SH2D1A: variants seen among roughly 807,000 people sequenced by gnomAD.
SH2D1A encodes SH2 domain containing 1A.
Under a neutral mutation model 10.1 loss-of-function variants are expected in SH2D1A, and 6 were observed. The observed-to-expected ratio is 0.60, with a 90% CI of 0.33 to 1.18. The LOEUF is 1.18. Among genes scored for constraint, SH2D1A ranks in the 50% most tolerant of loss-of-function variants. The probability of loss-of-function intolerance (pLI) is 0.04; values close to 1 mark genes in which losing one functional copy is unlikely to be tolerated. For synonymous variants in SH2D1A, 42 were observed against 36.9 expected, an observed-to-expected ratio of 1.14 and a Z score of -0.51; for missense variants, 51 against 97.6, an observed-to-expected ratio of 0.52 and a Z score of 2.01.
intron 1 of SH2D1A, among the ~76,000 whole-genome samples, chrX:124,347,960 G>A (rs913598816): frequency 9.0e-6 from 1 of 111,129 alleles, no homozygotes; most frequent in African/African-American, 3.3e-5. Context: ...TAAATGCTTG[G>A]TAGTAAGTTC....
chrX:124,372,711 G>A lies in SH2D1A; in HGVS notation c.*1320G>A. On this transcript the variant is annotated 3_prime_UTR_variant, in exon 4 of 4. Transcript: ENST00000371139. ...TGTAAAATAATAACTGGGAATTCTG[G>A]ATTGTGTATGGGTGTTGGTGAACTT... 1 of 169,254 alleles carries A rather than the reference G, an allele frequency of 5.9e-6. No individual in the cohort carries two copies. Among genetic ancestry groups the A allele is most frequent in the Non-Finnish European group, 1.1e-5 (1 of 87,627 alleles). The allele number at this position is 169,254 out of a possible 1,213,427, so 13.9% of individuals were successfully genotyped here.
rs1363045011 is a variant in SH2D1A, at chrX:124,371,082, AG to A, written c.347-268del. 1.2e-3 allele frequency among the ~76,000 whole-genome samples: 135 copies of A among 112,124 alleles called. 1 individual carries two copies. The East Asian group carries it at 0.036, about 30-fold the overall frequency. ...TAGGCTCAGGCATAAACTGACAATT[AG>A]ACTCAAGTGGTGAATTAAATTAATG... On this transcript the variant is annotated intron_variant, in intron 3 of 3. Transcript: ENST00000371139.
At chrX:124,355,839 A>G (rs2060024861) in intron 1 of SH2D1A, among the ~76,000 whole-genome samples, 1 of 112,036 alleles carries the variant, frequency 8.9e-6, no homozygotes, top group Non-Finnish European at 1.9e-5. Context: ...AGTTGTAATC[A>G]GAGTGGCATC....
rs2060071302 is a variant in SH2D1A at position 124,372,253 on chromosome X, T to TA, written c.*862_*863insA. 1.2e-5 allele frequency: 2 copies of TA among 166,824 alleles called. No homozygotes were observed. The highest frequency in any genetic ancestry group is 8.7e-5 in the East Asian group (1 of 11,442). The allele number at this position is 166,824 out of a possible 1,213,427, so 13.7% of individuals were successfully genotyped here. On this transcript the variant is annotated 3_prime_UTR_variant, in exon 4 of 4. Coordinates refer to ENST00000371139, the MANE Select transcript of SH2D1A (RefSeq NM_002351.5). ...GGAAAGTTTATGGTTGTATTATTTT[T>TA]TAAAAAAATTCCAAGTGATTGAAAC... is the stretch of plus-strand genomic sequence containing the variant.
intron 2 of SH2D1A, chrX:124,367,452 G>A (rs947128958): frequency 8.9e-6 from 1 of 111,791 alleles, no homozygotes; most frequent in African/African-American, 3.2e-5. Flanking sequence ...TGACAGTATG[G>A]GAGATTTGCA....
At chrX:124,354,878 A>G (rs1287723754) in intron 1 of SH2D1A, among the ~76,000 whole-genome samples, 1 of 112,111 alleles carries the variant, frequency 8.9e-6, no homozygotes, top group Admixed American at 9.5e-5. Flanking sequence ...TTACCATCAC[A>G]CTTGAAGTTG....
At chrX:124,362,373 C>T (rs992149146) in intron 1 of SH2D1A, among the ~76,000 whole-genome samples, 2 of 112,210 alleles carry the variant, frequency 1.8e-5, no homozygotes, top group Non-Finnish European at 3.8e-5. Context: ...AATATTGAAT[C>T]GAAGAGGATT....
intron 1 of SH2D1A, among the ~76,000 whole-genome samples, chrX:124,351,097 A>ATATATATTATTATAAATATATATT (rs2060013820): frequency 2.1e-5 from 2 of 93,749 alleles, no homozygotes; most frequent in African/African-American, 7.7e-5. Flanking sequence ...ATATATATTT[A>ATATATATTATTATAAATATATATT]TATATATTTA....
Position 124,370,333 on chromosome X carries a change from CTTAAT to C in SH2D1A, c.346+16_346+20del. 5 of 1,192,503 alleles carry C rather than the reference CTTAAT, an allele frequency of 4.2e-6. No individual in the cohort carries two copies. Among genetic ancestry groups the C allele is most frequent in the Non-Finnish European group, 5.7e-6 (5 of 878,114 alleles). Reference sequence around the variant, plus strand: ...CAAGGTACTACAGGTATGATTTCCTCTTAATTTTTGACAGGGTTTGGAAGCTCAGA... The same window carrying C: ...CAAGGTACTACAGGTATGATTTCCTCTTTTGACAGGGTTTGGAAGCTCAGA... On this transcript the variant is annotated intron_variant, in intron 3 of 3. Coordinates refer to ENST00000371139, the MANE Select transcript of SH2D1A (RefSeq NM_002351.5).
intron 1 of SH2D1A, among the ~76,000 whole-genome samples, chrX:124,364,068 T>TA (rs1005397460): frequency 1.8e-5 from 2 of 109,777 alleles, no homozygotes; most frequent in Non-Finnish European, 3.8e-5. Context: ...CCTACTTATA[T>TA]AAAAAAAAGT....
intron 1 of SH2D1A, among the ~76,000 whole-genome samples, chrX:124,361,025 A>G (rs943582704): frequency 9.0e-6 from 1 of 111,463 alleles, no homozygotes; most frequent in African/African-American, 3.3e-5. Context: ...CATAAACCTA[A>G]TAGGATTTTT....
chrX:124,364,061 A>ACTT (rs2060047666), intron 1 of SH2D1A, among the ~76,000 whole-genome samples: 1 of 110,343 alleles, frequency 9.1e-6, no homozygotes, highest in Non-Finnish European at 1.9e-5. Context: ...ATCTACTCCT[A>ACTT]CTTATATAAA....
chrX:124,350,280 TATTATATAA>T (rs1814523356), intron 1 of SH2D1A, among the ~76,000 whole-genome samples: 1 of 24,073 alleles, frequency 4.2e-5, no homozygotes, highest in Non-Finnish European at 5.9e-5. Context: ...TTATATATAA[TATTATATAA>T]TATATAATAT....
chrX:124,367,035 T>C (rs1179346913), intron 2 of SH2D1A, among the ~76,000 whole-genome samples: 2 of 111,066 alleles, frequency 1.8e-5, no homozygotes, highest in Admixed American at 9.6e-5. Context: ...ACAACTTTGT[T>C]TTTCAACTTG....
At chrX:124,370,084 G>A in intron 2 of SH2D1A, 92 bp from the exon 3 acceptor site, 1 of 652,081 alleles carries the variant, frequency 1.5e-6, no homozygotes. Flanking sequence ...TTACACAAAT[G>A]TTACTTCTCT....
intron 1 of SH2D1A, 96 bp downstream of exon 1, chrX:124,346,875 C>T (rs1320059949): frequency 1.1e-5 from 12 of 1,044,345 alleles, no homozygotes; most frequent in South Asian, 7.6e-5. Flanking sequence ...GCAGGGGCGC[C>T]GGCGTTAGCA....
intron 1 of SH2D1A, chrX:124,364,399 GTGTT>G (rs1430275037): frequency 3.5e-6 from 1 of 283,576 alleles, no homozygotes; most frequent in Non-Finnish European, 6.7e-6. Context: ...GCTGTACAAT[GTGTT>G]TGTGTTTTAA....
At chrX:124,369,699 T>C (rs1451854650) in intron 2 of SH2D1A, among the ~76,000 whole-genome samples, 1 of 112,321 alleles carries the variant, frequency 8.9e-6, no homozygotes, top group Non-Finnish European at 1.9e-5. Context: ...TAGCATTTTA[T>C]ATTGTGGGAT....
chrX:124,350,974 GATATA>G (rs1308980412), intron 1 of SH2D1A, among the ~76,000 whole-genome samples: 2 of 42,584 alleles, frequency 4.7e-5, no homozygotes, highest in African/African-American at 2.0e-4. Context: ...TTGTATATAA[GATATA>G]ATATATTATA....
Sources: gnomAD v4.1 joint callset for allele counts (sites outside exome capture counted in the v4.1 genomes callset) on GRCh38, gnomAD v4.1.1 for gene constraint, MANE v1.5 for transcripts, NCBI Gene and HGNC (gene_info 2026-07-23, HGNC 2026-07-21) for gene names.